The following PTPRD variants were observed in gnomAD, a reference collection of about 807,000 sequenced individuals.
PTPRD encodes the protein protein tyrosine phosphatase receptor type D, also known as receptor-type tyrosine-protein phosphatase delta.
Under a neutral mutation model 214.5 loss-of-function variants are expected in PTPRD, and 34 were observed. That is an observed-to-expected ratio of 0.16 (90% CI 0.12 to 0.21). The LOEUF (loss-of-function observed/expected upper bound fraction) is 0.21. Ranked by LOEUF, PTPRD falls within the 10% of genes least tolerant of loss-of-function variation. PTPRD has a pLI of 1.00. For synonymous variants in PTPRD, 1,128 were observed against 845.7 expected, an observed-to-expected ratio of 1.33 and a Z score of -5.79; for missense variants, 2,545 against 2,398.7, an observed-to-expected ratio of 1.06 and a Z score of -1.27.
At chr9:8,746,335 G>C (rs546215653) in intron 11 of PTPRD, among the ~76,000 whole-genome samples, 18 of 152,070 alleles carry the variant, frequency 1.2e-4, no homozygotes, top group Non-Finnish European at 2.4e-4. Context: ...GTTACAAAGT[G>C]ATTTGATAAT....
At chr9:9,942,201 G>C (rs986296265) in intron 4 of PTPRD, among the ~76,000 whole-genome samples, 1 of 151,904 alleles carries the variant, frequency 6.6e-6, no homozygotes, top group Non-Finnish European at 1.5e-5. Flanking sequence ...AAATACAAAC[G>C]AATACAACCA....
At chr9:9,430,080 G>T (rs932164303) in intron 8 of PTPRD, among the ~76,000 whole-genome samples, 67 of 152,054 alleles carry the variant, frequency 4.4e-4, no homozygotes, top group African/African-American at 1.4e-3. Flanking sequence ...AGAGATAAAG[G>T]GTATTCACTT....
chr9:9,380,969 G>C (rs1347251929), intron 9 of PTPRD, among the ~76,000 whole-genome samples: 1 of 151,932 alleles, frequency 6.6e-6, no homozygotes, highest in East Asian at 1.9e-4. Context: ...TATTTGCTTT[G>C]AAATCTGCTT....
At chr9:9,316,741 A>G (rs1468472110) in intron 9 of PTPRD, among the ~76,000 whole-genome samples, 1 of 152,204 alleles carries the variant, frequency 6.6e-6, no homozygotes, top group African/African-American at 2.4e-5. Flanking sequence ...ATAACGATAC[A>G]TGAAATATTA....
rs1043808848 is a variant in PTPRD, at chr9:8,688,362, C to A, written c.64+45418G>T. Among the ~76,000 whole-genome samples the A allele has an allele frequency of 5.3e-5, 8 of 151,882 alleles. No homozygotes were observed. In the South Asian group the frequency reaches 8.3e-4, roughly 16 times the overall value. On this transcript the variant is annotated intron_variant, in intron 12 of 45. Coordinates refer to ENST00000381196, the MANE Select transcript of PTPRD (RefSeq NM_002839.4). The stretch of plus-strand genomic sequence containing the variant: ...CGGGCGGATCACAAGTTCAGGAGAT[C>A]GAGACTATCCTAGCTAACATGGTGA...
intron 2 of PTPRD, among the ~76,000 whole-genome samples, chr9:10,570,700 G>A (rs2067147630): frequency 6.6e-6 from 1 of 152,002 alleles, no homozygotes; most frequent in Admixed American, 6.6e-5. Context: ...TCCTTTGCCT[G>A]AAAATTTACA....
chr9:9,066,994 G>A (rs2099735593), intron 10 of PTPRD, among the ~76,000 whole-genome samples: 1 of 152,206 alleles, frequency 6.6e-6, no homozygotes, highest in African/African-American at 2.4e-5. Context: ...TGTAATCCCA[G>A]CACTTTGGGA....
chr9:10,575,861 C>T (rs917698504), intron 2 of PTPRD, among the ~76,000 whole-genome samples: 18 of 152,100 alleles, frequency 1.2e-4, no homozygotes, highest in African/African-American at 4.3e-4. Context: ...GGAGATGAAT[C>T]CATTTTCTTT....
intron 9 of PTPRD, among the ~76,000 whole-genome samples, chr9:9,265,221 T>C (rs1160275170): frequency 6.6e-6 from 1 of 151,664 alleles, no homozygotes; most frequent in African/African-American, 2.4e-5. Context: ...TAAATATAGC[T>C]ACAATAACTT....
At chr9:8,700,738 G>C (rs2098059858) in intron 12 of PTPRD, 1 of 152,212 alleles carries the variant, frequency 6.6e-6, no homozygotes, top group Admixed American at 6.5e-5. Flanking sequence ...CATTAATGCA[G>C]ACATACAACT....
intron 9 of PTPRD, among the ~76,000 whole-genome samples, chr9:9,384,343 CTTTTTTTTTTTTTTTT>C (rs869246078): frequency 0.018 from 582 of 33,196 alleles, 15 homozygotes; most frequent in African/African-American, 0.035. Context: ...GAAGACTAGG[CTTTTTTTTTTTTTTTT>C]TTTTTTTTTT....
chr9:9,577,307 T>C (rs759483445), intron 7 of PTPRD, among the ~76,000 whole-genome samples: 1 of 152,194 alleles, frequency 6.6e-6, no homozygotes, highest in African/African-American at 2.4e-5. Context: ...CTAATGTCTG[T>C]AACCTCAGCA....
In PTPRD at chr9:9,945,078, G is replaced by A. The variant is rs186722476; in HGVS notation, c.-471-6468C>T. On this transcript the variant is annotated intron_variant, in intron 4 of 45. Coordinates refer to ENST00000381196, the MANE Select transcript of PTPRD (RefSeq NM_002839.4). ...GCAGATTTGATGTGGTATGTTAAAA[G>A]AAATTGATAAAGTATAACTGTATAG... Among the ~76,000 whole-genome samples the A allele has an allele frequency of 3.0e-3, 460 of 152,252 alleles. 1 individual carries two copies. Among genetic ancestry groups the A allele is most frequent in the African/African-American group, 0.01 (436 of 41,558 alleles).
intron 12 of PTPRD, among the ~76,000 whole-genome samples, chr9:8,676,561 G>A (rs1184094426): frequency 6.6e-6 from 1 of 150,534 alleles, no homozygotes; most frequent in East Asian, 2.0e-4. Context: ...TTTTGTGTGG[G>A]TTTCTTTTTT....
At chr9:10,301,238 G>A (rs540134492) in intron 3 of PTPRD, among the ~76,000 whole-genome samples, 150 of 152,096 alleles carry the variant, frequency 9.9e-4, no homozygotes, top group African/African-American at 3.3e-3. Flanking sequence ...CAAAAGGGAC[G>A]TCCACTCAGA....
chr9:9,351,053 C>T (rs1249045761), intron 9 of PTPRD, among the ~76,000 whole-genome samples: 1 of 151,968 alleles, frequency 6.6e-6, no homozygotes, highest in Non-Finnish European at 1.5e-5. Flanking sequence ...GTCTCAATTA[C>T]CTTTGGCTTG....
chr9:8,783,507 G>C (rs1006443858), intron 11 of PTPRD, among the ~76,000 whole-genome samples: 7 of 152,096 alleles, frequency 4.6e-5, no homozygotes, highest in African/African-American at 1.4e-4. Context: ...ACTATTACTT[G>C]ACACCGTTTT....
In PTPRD at chr9:10,165,677, G is replaced by A. The variant is rs2099154698; in HGVS notation, c.-544-131887C>T. 2.0e-5 allele frequency among the ~76,000 whole-genome samples: 3 copies of A among 151,464 alleles called. No individual in the cohort carries two copies. The South Asian group carries it at 6.2e-4, about 31-fold the overall frequency. On this transcript the variant is annotated intron_variant, in intron 3 of 45. Coordinates refer to ENST00000381196, the MANE Select transcript of PTPRD (RefSeq NM_002839.4). Reference sequence around the variant, plus strand: ...TGCAATAATAAGACCTAGAATAGTTGATGAATGAATTAAAATAATGGAGGA... The same window carrying A: ...TGCAATAATAAGACCTAGAATAGTTAATGAATGAATTAAAATAATGGAGGA...
At chr9:9,820,020 G>A (rs1355895761) in intron 5 of PTPRD, among the ~76,000 whole-genome samples, 1 of 152,078 alleles carries the variant, frequency 6.6e-6, no homozygotes, top group Non-Finnish European at 1.5e-5. Flanking sequence ...AGGATTGCTG[G>A]GTTGTATGAT....
Sources: allele counts gnomAD v4.1 joint callset (sites outside exome capture counted in the v4.1 genomes callset), GRCh38; gene constraint gnomAD v4.1.1; transcripts MANE v1.5; gene names NCBI Gene and HGNC (gene_info 2026-07-23, HGNC 2026-07-21).